Variants in IL17RD observed in about 807,000 individuals in gnomAD.
IL17RD encodes interleukin 17 receptor D, also known as interleukin-17 receptor D.
A neutral mutation model predicts 80.5 loss-of-function variants in IL17RD; 52 were observed. The ratio of observed to expected loss-of-function variants is 0.65; its 90% CI spans 0.52 to 0.81. The LOEUF is 0.81. IL17RD is among the 40% of genes least tolerant of loss of function. IL17RD has a pLI of 0.00. For synonymous variants in IL17RD, 416 were observed against 391.8 expected (o/e 1.06, Z -0.73); for missense variants, 1,024 against 955.1 (o/e 1.07, Z -0.95).
upstream of IL17RD, among the ~76,000 whole-genome samples, chr3:57,168,504 C>G (rs1017403852): frequency 6.6e-6 from 1 of 152,166 alleles, no homozygotes; most frequent in African/African-American, 2.4e-5. Flanking sequence ...CCCTCAGGAC[C>G]AGGGATGGGG....
upstream of IL17RD, among the ~76,000 whole-genome samples, chr3:57,165,655 ATAATAATAATTT>A (rs1472239531): frequency 1.3e-5 from 2 of 152,074 alleles, no homozygotes; most frequent in African/African-American, 2.4e-5. Flanking sequence ...AAAGAATGTA[ATAATAATAATTT>A]TAATAATAAT....
At chr3:57,108,509 CTTT>C (rs34594516) in intron 5 of IL17RD, among the ~76,000 whole-genome samples, 24 of 49,164 alleles carry the variant, frequency 4.9e-4, no homozygotes, top group Admixed American at 7.9e-4. Flanking sequence ...TGATACATGG[CTTT>C]TTTTTTTTTT....
chr3:57,115,360 A>C (rs1223138712), intron 2 of IL17RD, among the ~76,000 whole-genome samples: 1 of 152,184 alleles, frequency 6.6e-6, no homozygotes, highest in Admixed American at 6.5e-5. Flanking sequence ...CAAGTGATAA[A>C]GATGTTAACT....
At chr3:57,112,879 C>T (rs374729960) in intron 3 of IL17RD, among the ~76,000 whole-genome samples, 7 of 152,186 alleles carry the variant, frequency 4.6e-5, no homozygotes, top group African/African-American at 1.2e-4. Context: ...AGTGTCAAAG[C>T]GGCAGTCCTG....
Position 57,119,008 on chromosome 3 carries a change from C to T in IL17RD, c.184+1248G>A, listed in dbSNP as rs544743585. Among the ~76,000 whole-genome samples, 81 of 151,750 alleles carry T rather than the reference C, an allele frequency of 5.3e-4. 1 individual carries two copies. In the South Asian group the frequency reaches 0.016, roughly 31 times the overall value. On this transcript the variant is annotated intron_variant, in intron 2 of 12. Transcript: ENST00000296318. Reference sequence around the variant, plus strand: ...ATAACTTGAGGCCAGGAGTTCAAGACCAGCCTGGCTAACATGGCAAAACCC... The same window carrying T: ...ATAACTTGAGGCCAGGAGTTCAAGATCAGCCTGGCTAACATGGCAAAACCC...
intron 1 of IL17RD, among the ~76,000 whole-genome samples, chr3:57,128,993 G>A (rs1295107587): frequency 1.3e-5 from 2 of 152,148 alleles, no homozygotes; most frequent in Admixed American, 6.5e-5. Flanking sequence ...TTCCGAAAAC[G>A]TTAGAGACAC....
At chr3:57,157,818 C>T (rs886455767) in intron 1 of IL17RD, among the ~76,000 whole-genome samples, 5 of 152,162 alleles carry the variant, frequency 3.3e-5, no homozygotes, top group Non-Finnish European at 7.3e-5. Flanking sequence ...TCCAAGGAAG[C>T]CCTCCCTTTA....
chr3:57,097,089 T>G (rs1305891318), intron 12 of IL17RD, among the ~76,000 whole-genome samples: 1 of 151,898 alleles, frequency 6.6e-6, no homozygotes, highest in African/African-American at 2.4e-5. Context: ...AGATGGCATC[T>G]ACCTGATGCT....
rs371972684 is a variant in IL17RD at position 57,132,912 on chromosome 3, C to G, written c.127-12599G>C. 7.9e-5 allele frequency among the ~76,000 whole-genome samples: 12 copies of G among 152,194 alleles called. 1 individual carries two copies. In the South Asian group the frequency reaches 1.7e-3, roughly 21 times the overall value. ...TCCCACTCCTGCTCAACTGCCTTTGCAGAGTATGGTATTTGCGGTCAACAC... is the reference window on the plus strand; with the variant it reads ...TCCCACTCCTGCTCAACTGCCTTTGGAGAGTATGGTATTTGCGGTCAACAC... On this transcript the variant is annotated intron_variant, in intron 1 of 12. Transcript: ENST00000296318.
intron 1 of IL17RD, among the ~76,000 whole-genome samples, chr3:57,138,596 GCT>G (rs1707771897): frequency 6.6e-6 from 1 of 152,134 alleles, no homozygotes; most frequent in Non-Finnish European, 1.5e-5. Flanking sequence ...TGACCTGCAG[GCT>G]CTTATTTGGG....
chr3:57,131,925 C>T (rs1262141828), intron 1 of IL17RD, among the ~76,000 whole-genome samples: 1 of 152,240 alleles, frequency 6.6e-6, no homozygotes, highest in Non-Finnish European at 1.5e-5. Flanking sequence ...GTGGCTCACA[C>T]CTGTAATCCC....
intron 1 of IL17RD, 28 bp downstream of exon 1, chr3:57,165,133 G>C: frequency 6.7e-7 from 1 of 1,501,494 alleles, no homozygotes; most frequent in Non-Finnish European, 8.9e-7. Context: ...AGTTGGCGAC[G>C]GCAAGAAACC....
At position 57,116,530 on chromosome 3, in the gene IL17RD, C is replaced by A. The variant is rs149962868; in HGVS notation, c.185-1713G>T. Among the ~76,000 whole-genome samples the A allele has an allele frequency of 6.7e-4, 102 of 152,086 alleles. 3 individuals are homozygous for A. In the East Asian group the frequency reaches 0.017, roughly 25 times the overall value. On this transcript the variant is annotated intron_variant, in intron 2 of 12. Transcript: ENST00000296318. ...GAACTCCCGACCTCAGGTGATCCAC[C>A]CACCTTGGCCTCCCAAGGTGCTGAG...
chr3:57,111,063 G>C (rs1345330618), intron 3 of IL17RD, among the ~76,000 whole-genome samples: 3 of 152,236 alleles, frequency 2.0e-5, no homozygotes, highest in Non-Finnish European at 2.9e-5. Context: ...ACAAGCGCCA[G>C]CACCGGGTTT....
intron 2 of IL17RD, among the ~76,000 whole-genome samples, chr3:57,115,916 T>G (rs747430827): frequency 6.6e-6 from 1 of 152,180 alleles, no homozygotes; most frequent in Non-Finnish European, 1.5e-5. Context: ...TTTCTCCCTG[T>G]AGAGTCTCCC....
At chr3:57,168,400 G>A (rs1212276924), upstream of IL17RD, among the ~76,000 whole-genome samples, 1 of 152,162 alleles carries the variant, frequency 6.6e-6, no homozygotes, top group African/African-American at 2.4e-5. Flanking sequence ...ATGCTGCAGG[G>A]TTCAGAGAGA....
chr3:57,110,902 G>C (rs1337509518), intron 3 of IL17RD, among the ~76,000 whole-genome samples: 1 of 152,252 alleles, frequency 6.6e-6, no homozygotes, highest in African/African-American at 2.4e-5. Context: ...AGACACCCAA[G>C]GGTTGCCCAG....
intron 5 of IL17RD, among the ~76,000 whole-genome samples, chr3:57,108,714 C>T (rs1238527391): frequency 6.6e-6 from 1 of 151,430 alleles, no homozygotes; most frequent in Admixed American, 6.6e-5. Flanking sequence ...CGGGGTTTCA[C>T]CATATTTTTC....
rs143416217 is a variant in IL17RD at position 57,103,126 on chromosome 3, G to A, written c.833C>T (p.Thr278Ile). The change falls in exon 9 of 13, where the codon ACA (threonine) becomes ATA (isoleucine). Residue 278 changes from threonine (T) to isoleucine (I), a missense_variant. Physicochemically the swap from Thr to Ile is moderately conservative, Grantham distance 89 (BLOSUM62 -1). Coordinates refer to ENST00000296318, the MANE Select transcript of IL17RD (RefSeq NM_017563.5). Reference sequence around the variant, plus strand: ...GGCATAATGCATCACTTTTCTTGTTGTGTTAGTGTCATCCACCAGCTGCAA... The same window carrying A: ...GGCATAATGCATCACTTTTCTTGTTATGTTAGTGTCATCCACCAGCTGCAA... ...YIIELVDDTN[T>I]TRKVMHYALK... The A allele has an allele frequency of 3.6e-4, 578 of 1,603,154 alleles. No homozygotes were observed. Among genetic ancestry groups the A allele is most frequent in the Non-Finnish European group, 4.7e-4 (547 of 1,174,386 alleles).
Sources: allele counts gnomAD v4.1 joint callset (sites outside exome capture counted in the v4.1 genomes callset), GRCh38; gene constraint gnomAD v4.1.1; transcripts MANE v1.5; gene names NCBI Gene and HGNC (gene_info 2026-07-23, HGNC 2026-07-21).